The following CADM1 variants were observed in gnomAD, a reference collection of about 807,000 sequenced individuals.
The protein encoded by CADM1 is cell adhesion molecule 1, also known as TSLC-1.
Under a neutral mutation model 53.1 loss-of-function variants are expected in CADM1, and 15 were observed. The observed-to-expected ratio is 0.28, with a 90% CI of 0.19 to 0.44. The LOEUF (loss-of-function observed/expected upper bound fraction) is 0.44, where lower values mean the gene tolerates loss of function less well. Ranked by LOEUF, CADM1 falls within the 20% of genes least tolerant of loss-of-function variation. The pLI is 1.00. For missense variants in CADM1, 434 were observed against 611.3 expected, an observed-to-expected ratio of 0.71 and a Z score of 3.06; for synonymous variants, 281 against 243.0, an observed-to-expected ratio of 1.16 and a Z score of -1.45.
At chr11:115,272,336 G>A (rs990617240) in intron 1 of CADM1, among the ~76,000 whole-genome samples, 1 of 151,960 alleles carries the variant, frequency 6.6e-6, no homozygotes, top group Non-Finnish European at 1.5e-5. Context: ...TGATTTTTGA[G>A]CTAAGATGAA....
At position 115,229,084 on chromosome 11, in the gene CADM1, C is replaced by T. The variant is rs777841611; in HGVS notation, c.721+29G>A. On this transcript the variant is annotated intron_variant, in intron 5 of 11. Transcript: ENST00000331581. Reference sequence around the variant, plus strand: ...GTTTCTATGTAACTGCAACTCTACGCCCTCAGAATAAGATACCAGGGTACT... The same window carrying T: ...GTTTCTATGTAACTGCAACTCTACGTCCTCAGAATAAGATACCAGGGTACT... The T allele has an allele frequency of 6.2e-6, 10 of 1,612,236 alleles. No homozygotes were observed. In the South Asian group the frequency reaches 9.9e-5, roughly 16 times the overall value.
intron 1 of CADM1, among the ~76,000 whole-genome samples, chr11:115,483,369 T>C (rs1175484068): frequency 6.6e-6 from 1 of 152,146 alleles, no homozygotes; most frequent in Non-Finnish European, 1.5e-5. Context: ...AAAATAACAA[T>C]GTGAATTGGC....
intron 1 of CADM1, among the ~76,000 whole-genome samples, chr11:115,378,858 C>T (rs1591761728): frequency 6.6e-6 from 1 of 152,176 alleles, no homozygotes; most frequent in South Asian, 2.1e-4. Flanking sequence ...ATATTTACTA[C>T]CTTGCCCTCT....
intron 1 of CADM1, among the ~76,000 whole-genome samples, chr11:115,356,593 A>C (rs1364718211): frequency 6.6e-6 from 1 of 152,170 alleles, no homozygotes; most frequent in African/African-American, 2.4e-5. Flanking sequence ...TATCCTTATA[A>C]GGGATTTTTT....
chr11:115,452,478 A>C, intron 1 of CADM1, among the ~76,000 whole-genome samples: 1 of 152,246 alleles, frequency 6.6e-6, no homozygotes, highest in East Asian at 1.9e-4. Context: ...ATAGGCATTA[A>C]AAGTTGTCAT....
intron 1 of CADM1, among the ~76,000 whole-genome samples, chr11:115,381,050 A>G (rs1363422110): frequency 6.6e-6 from 1 of 152,116 alleles, no homozygotes; most frequent in Non-Finnish European, 1.5e-5. Context: ...CCTGAATCCC[A>G]CTTCGGGATT....
At chr11:115,255,212 T>C (rs1217961828) in intron 1 of CADM1, among the ~76,000 whole-genome samples, 2 of 152,186 alleles carry the variant, frequency 1.3e-5, no homozygotes, top group African/African-American at 2.4e-5. Context: ...TCTAGCTGCC[T>C]TCTAAGGAAA....
chr11:115,183,860 T>C (rs542624670), intron 10 of CADM1, among the ~76,000 whole-genome samples: 1 of 152,336 alleles, frequency 6.6e-6, no homozygotes, highest in Admixed American at 6.5e-5. Context: ...CCTACTTCTG[T>C]TTAGGGACAG....
rs1945453362 is a variant in CADM1 at position 115,341,732 on chromosome 11, C to CA, written c.125-101313_125-101312insT. 2.0e-5 allele frequency among the ~76,000 whole-genome samples: 3 copies of CA among 152,104 alleles called. No individual in the cohort carries two copies. In the South Asian group the frequency reaches 6.2e-4, roughly 32 times the overall value. ...GGATTTGGGAAGACCATGTATTTACCGGTGTGTGACAGAGAATAATATAAA... is the reference window on the plus strand; with the variant it reads ...GGATTTGGGAAGACCATGTATTTACCAGGTGTGTGACAGAGAATAATATAAA... On this transcript the variant is annotated intron_variant, in intron 1 of 11. Transcript: ENST00000331581.
chr11:115,174,511 C>T lies in CADM1; in HGVS notation c.*1963G>A, dbSNP rs1938928900. 4 of 985,422 alleles carry T rather than the reference C, an allele frequency of 4.1e-6. No homozygotes were observed. The highest frequency in any genetic ancestry group is 3.6e-6 in the Non-Finnish European group (3 of 829,836). 61.0% of individuals were successfully genotyped at this position (985,422 alleles called of 1,614,324 possible). A position where few individuals can be genotyped will look rare whatever the true frequency, so the allele number is the denominator to read the frequency against. ...GGGGAGGGGTAAATAAAATGCTGCT[C>T]GATAATGGATTTTCTTTTACATACC... On this transcript the variant is annotated 3_prime_UTR_variant, in exon 12 of 12. Coordinates refer to ENST00000331581, the MANE Select transcript of CADM1 (RefSeq NM_001301043.2).
At chr11:115,218,931 T>A (rs991486773) in intron 5 of CADM1, among the ~76,000 whole-genome samples, 58 of 152,192 alleles carry the variant, frequency 3.8e-4, no homozygotes, top group Non-Finnish European at 7.2e-4. Context: ...TAGATACACA[T>A]ACAAATACAT....
chr11:115,236,433 A>G (rs1942013458), intron 3 of CADM1, among the ~76,000 whole-genome samples: 1 of 152,206 alleles, frequency 6.6e-6, no homozygotes, highest in Non-Finnish European at 1.5e-5. Flanking sequence ...CTACAGAAAG[A>G]ATATCTACTA....
intron 1 of CADM1, among the ~76,000 whole-genome samples, chr11:115,338,460 A>T (rs1163725734): frequency 6.6e-6 from 1 of 152,206 alleles, no homozygotes; most frequent in Non-Finnish European, 1.5e-5. Flanking sequence ...AGAAAGACTT[A>T]AAGAACTAAT....
chr11:115,338,296 C>T (rs866724724), intron 1 of CADM1, among the ~76,000 whole-genome samples: 3 of 151,930 alleles, frequency 2.0e-5, no homozygotes, highest in South Asian at 2.1e-4. Flanking sequence ...AAAATTAAGT[C>T]GCAAAAAATT....
intron 1 of CADM1, among the ~76,000 whole-genome samples, chr11:115,314,379 A>G (rs1346416190): frequency 6.6e-6 from 1 of 152,142 alleles, no homozygotes; most frequent in Non-Finnish European, 1.5e-5. Flanking sequence ...TATTTCTTCT[A>G]TGAATATAAA....
In CADM1 at chr11:115,496,915, T is replaced by A. The variant is rs1409185643; in HGVS notation, c.124+7356A>T. Among the ~76,000 whole-genome samples the A allele has an allele frequency of 2.0e-5, 3 of 152,174 alleles. No individual in the cohort carries two copies. The East Asian group carries it at 5.8e-4, about 29-fold the overall frequency. ...TACCTACTGCAAAAAGATTAAAGGT[T>A]CAAATTTTTTAAACGTTAACTTTTA... On this transcript the variant is annotated intron_variant, in intron 1 of 11. Coordinates refer to ENST00000331581, the MANE Select transcript of CADM1 (RefSeq NM_001301043.2).
chr11:115,248,714 T>C (rs1942492256), intron 1 of CADM1, among the ~76,000 whole-genome samples: 1 of 152,210 alleles, frequency 6.6e-6, no homozygotes, highest in African/African-American at 2.4e-5. Flanking sequence ...CAAGATAGCA[T>C]CTTTTTTAGA....
At chr11:115,442,907 C>T (rs989674265) in intron 1 of CADM1, among the ~76,000 whole-genome samples, 2 of 152,188 alleles carry the variant, frequency 1.3e-5, no homozygotes, top group African/African-American at 4.8e-5. Flanking sequence ...AATCCATTTT[C>T]ATCAGTATGT....
Position 115,340,695 on chromosome 11 carries a change from C to T in CADM1, c.125-100275G>A, listed in dbSNP as rs1945423117. Among the ~76,000 whole-genome samples the T allele has an allele frequency of 3.6e-5, 4 of 111,640 alleles. No homozygotes were observed. In the Admixed American group the frequency reaches 4.8e-4, roughly 13 times the overall value. 73.2% of individuals were successfully genotyped at this position (111,640 alleles called of 152,430 possible). On this transcript the variant is annotated intron_variant, in intron 1 of 11. Coordinates refer to ENST00000331581, the MANE Select transcript of CADM1 (RefSeq NM_001301043.2). ...TTTTTTTTTGAGACAGAGTCTCACT[C>T]TGTCGCCCAGGCTGCAGTGTAGTGG...
Sources: gnomAD v4.1 joint callset for allele counts (sites outside exome capture counted in the v4.1 genomes callset) on GRCh38, gnomAD v4.1.1 for gene constraint, MANE v1.5 for transcripts, NCBI Gene and HGNC (gene_info 2026-07-23, HGNC 2026-07-21) for gene names.